The following MAP1LC3B2 variants were observed in gnomAD, a reference collection of about 807,000 sequenced individuals.
The protein encoded by MAP1LC3B2 is microtubule associated protein 1 light chain 3 beta 2.
For synonymous variants in MAP1LC3B2, 62 were observed against 57.8 expected, an observed-to-expected ratio of 1.07 and a Z score of -0.33; for missense variants, 155 against 154.6, an observed-to-expected ratio of 1.00 and a Z score of -0.01.
intron 1 of MAP1LC3B2, among the ~76,000 whole-genome samples, chr12:116,564,208 G>A (rs1232834496): frequency 6.6e-6 from 1 of 151,700 alleles, no homozygotes; most frequent in African/African-American, 2.4e-5. Flanking sequence ...TGTCATTTGG[G>A]GTCTGTTTAT....
At chr12:116,565,452 G>T (rs985214010) in intron 1 of MAP1LC3B2, among the ~76,000 whole-genome samples, 1 of 152,174 alleles carries the variant, frequency 6.6e-6, no homozygotes, top group Non-Finnish European at 1.5e-5. Flanking sequence ...TCACTACCAC[G>T]AGAACAGTAT....
Position 116,575,839 on chromosome 12 carries a change from T to C in MAP1LC3B2, c.-101-3T>C. 2 of 1,365,034 alleles carry C rather than the reference T, an allele frequency of 1.5e-6. No individual in the cohort carries two copies. The allele number at this position is 1,365,034 out of a possible 1,614,324, so 84.6% of individuals were successfully genotyped here. A position where few individuals can be genotyped will look rare whatever the true frequency, so the allele number is the denominator to read the frequency against. ...CAGCTCTGTTGTTATTGTGCAAAAA[T>C]AGCCTTACACGGCCACAGTCGGATT... On this transcript the variant is annotated splice_polypyrimidine_tract_variant and splice_region_variant and intron_variant, in intron 1 of 1. Coordinates refer to ENST00000556529, the MANE Select transcript of MAP1LC3B2 (RefSeq NM_001085481.3).
chr12:116,568,633 CT>C (rs1869450030), intron 1 of MAP1LC3B2, among the ~76,000 whole-genome samples: 1 of 152,082 alleles, frequency 6.6e-6, no homozygotes, highest in African/African-American at 2.4e-5. Flanking sequence ...GATGTGGGGC[CT>C]TTAGGAGGTA....
chr12:116,570,402 A>G (rs1419407742), intron 1 of MAP1LC3B2, among the ~76,000 whole-genome samples: 1 of 152,224 alleles, frequency 6.6e-6, no homozygotes, highest in South Asian at 2.1e-4. Flanking sequence ...GTAGGTTAAT[A>G]TAAGTGTTCT....
rs779092675 is a variant in MAP1LC3B2, at chr12:116,576,233, G to A, written c.291G>A (p.Glu97=). The A allele has an allele frequency of 4.3e-6, 7 of 1,613,982 alleles. No individual in the cohort carries two copies. Among genetic ancestry groups the A allele is most frequent in the Middle Eastern group, 1.6e-4 (1 of 6,082 alleles). ...SMVSVSTPIS[E]VYESEKDEDG... ...TCAGCGTCTCCACACCAATCTCAGAGGTGTATGAGAGTGAGAAAGATGAAG... is the reference window on the plus strand; with the variant it reads ...TCAGCGTCTCCACACCAATCTCAGAAGTGTATGAGAGTGAGAAAGATGAAG... The change falls in exon 2 of 2, where the codon GAG becomes GAA. Residue 97 remains glutamate, a synonymous_variant. Coordinates refer to ENST00000556529, the MANE Select transcript of MAP1LC3B2 (RefSeq NM_001085481.3).
intron 1 of MAP1LC3B2, among the ~76,000 whole-genome samples, chr12:116,570,675 C>T (rs1204094027): frequency 6.6e-6 from 1 of 152,176 alleles, no homozygotes; most frequent in Non-Finnish European, 1.5e-5. Flanking sequence ...CTTTTGCCTT[C>T]CACCATGATT....
rs763554507 is a variant in MAP1LC3B2 at position 116,575,909 on chromosome 12, GCGT to G, written c.-28_-26del. ...ACCCCCAGGAGCCGCCGGGACCCTC[GCGT>G]CGTCGCCGCCGCGGCCCAGATCCCC... is the stretch of plus-strand genomic sequence containing the variant. On this transcript the variant is annotated 5_prime_UTR_variant, in exon 2 of 2. Coordinates refer to ENST00000556529, the MANE Select transcript of MAP1LC3B2 (RefSeq NM_001085481.3). 1.4e-4 allele frequency: 223 copies of G among 1,613,370 alleles called. No homozygotes were observed. The African/African-American group carries it at 2.6e-3, about 19-fold the overall frequency.
At chr12:116,562,457 T>G (rs954666083) in intron 1 of MAP1LC3B2, among the ~76,000 whole-genome samples, 2 of 152,224 alleles carry the variant, frequency 1.3e-5, no homozygotes, top group African/African-American at 2.4e-5. Context: ...AAACTGAGGC[T>G]TAGAGTAACT....
At chr12:116,570,457 C>T (rs1246310578) in intron 1 of MAP1LC3B2, among the ~76,000 whole-genome samples, 1 of 152,158 alleles carries the variant, frequency 6.6e-6, no homozygotes, top group Non-Finnish European at 1.5e-5. Flanking sequence ...GGCTGTGTCT[C>T]CACCCAAATC....
In MAP1LC3B2 at chr12:116,576,596, A is replaced by C. The variant is rs569424952; in HGVS notation, c.*276A>C. 1.2e-4 allele frequency: 44 copies of C among 365,908 alleles called. No individual in the cohort carries two copies. Among genetic ancestry groups the C allele is most frequent in the African/African-American group, 9.1e-4 (43 of 47,182 alleles). 22.7% of individuals were successfully genotyped at this position (365,908 alleles called of 1,614,324 possible). Reference sequence around the variant, plus strand: ...AAATAAAATACTTTGCATTCTAAAAAAAAAAAAAAATTGCCTTACACAATG... The same window carrying C: ...AAATAAAATACTTTGCATTCTAAAACAAAAAAAAAATTGCCTTACACAATG... On this transcript the variant is annotated 3_prime_UTR_variant, in exon 2 of 2. Coordinates refer to ENST00000556529, the MANE Select transcript of MAP1LC3B2 (RefSeq NM_001085481.3).
At chr12:116,565,881 C>T (rs944606808) in intron 1 of MAP1LC3B2, among the ~76,000 whole-genome samples, 1 of 152,160 alleles carries the variant, frequency 6.6e-6, no homozygotes, top group Non-Finnish European at 1.5e-5. Flanking sequence ...TTTATGAAAG[C>T]AATATTTACG....
intron 1 of MAP1LC3B2, among the ~76,000 whole-genome samples, chr12:116,560,594 C>G (rs1439822547): frequency 6.6e-6 from 1 of 151,896 alleles, no homozygotes; most frequent in Non-Finnish European, 1.5e-5. Flanking sequence ...AGTCACACCT[C>G]CACCAAAAAA....
intron 1 of MAP1LC3B2, among the ~76,000 whole-genome samples, chr12:116,571,528 T>C (rs1212739993): frequency 3.2e-5 from 4 of 123,570 alleles, no homozygotes; most frequent in Admixed American, 2.1e-4. Flanking sequence ...TCGCCCAGGC[T>C]GGGGTGCAGT....
Position 116,576,178 on chromosome 12 carries a change from T to C in MAP1LC3B2, c.236T>C (p.Phe79Ser). 2.5e-6 allele frequency: 4 copies of C among 1,614,114 alleles called. No homozygotes were observed. The Admixed American group carries it at 6.7e-5, about 27-fold the overall frequency. The change falls in exon 2 of 2, where the codon TTC (phenylalanine) becomes TCC (serine). Residue 79 changes from phenylalanine to serine, a missense_variant. Physicochemically the swap from Phe to Ser is radical, Grantham distance 155 (BLOSUM62 -2). Coordinates refer to ENST00000556529, the MANE Select transcript of MAP1LC3B2 (RefSeq NM_001085481.3). Reference sequence around the variant, plus strand: ...TTACAGCTCAATGCTAATCAGGCCTTCTTCCTGTTGGTGAACGGACACAGC... The same window carrying C: ...TTACAGCTCAATGCTAATCAGGCCTCCTTCCTGTTGGTGAACGGACACAGC... ...RRLQLNANQA[F>S]FLLVNGHSMV... is the part of the protein sequence containing the mutation.
intron 1 of MAP1LC3B2, among the ~76,000 whole-genome samples, chr12:116,566,280 C>A (rs930736435): frequency 6.6e-6 from 1 of 152,184 alleles, no homozygotes; most frequent in African/African-American, 2.4e-5. Flanking sequence ...GTTGGAAGCA[C>A]CTTGCCTGAA....
chr12:116,565,433 A>C (rs961242539), intron 1 of MAP1LC3B2, among the ~76,000 whole-genome samples: 7 of 152,228 alleles, frequency 4.6e-5, no homozygotes, highest in Non-Finnish European at 5.9e-5. Flanking sequence ...TCTCATTCAC[A>C]CATCTTATTC....
intron 1 of MAP1LC3B2, among the ~76,000 whole-genome samples, chr12:116,571,342 C>T (rs989650245): frequency 6.6e-6 from 1 of 151,978 alleles, no homozygotes; most frequent in Admixed American, 6.6e-5. Context: ...GTTTCTCTGA[C>T]TACTGTTGTG....
At chr12:116,569,431 C>A (rs764491857) in intron 1 of MAP1LC3B2, among the ~76,000 whole-genome samples, 1 of 152,154 alleles carries the variant, frequency 6.6e-6, no homozygotes, top group Admixed American at 6.5e-5. Context: ...TAACCCACAA[C>A]GTAGTAGTTG....
At chr12:116,566,389 C>G (rs535056293) in intron 1 of MAP1LC3B2, among the ~76,000 whole-genome samples, 49 of 152,098 alleles carry the variant, frequency 3.2e-4, no homozygotes, top group African/African-American at 1.2e-3. Context: ...ACAAATGCAC[C>G]AGCAGGTAAA....
Sources: allele counts gnomAD v4.1 joint callset (sites outside exome capture counted in the v4.1 genomes callset), GRCh38; gene constraint gnomAD v4.1.1; transcripts MANE v1.5; gene names NCBI Gene and HGNC (gene_info 2026-07-23, HGNC 2026-07-21).